Variants in U2SURP observed in about 807,000 individuals in gnomAD.
The protein encoded by U2SURP is U2 snRNP-associated SURP motif-containing protein.
A neutral mutation model predicts 144.9 loss-of-function variants in U2SURP; 9 were observed. That is an observed-to-expected ratio of 0.06 (90% CI 0.04 to 0.11). The LOEUF (loss-of-function observed/expected upper bound fraction) is 0.11. Among genes scored for constraint, U2SURP ranks in the 10% least tolerant of loss-of-function variants. The pLI, the probability that U2SURP is intolerant of heterozygous loss-of-function variation, is 1.00. For synonymous variants in U2SURP, 408 were observed against 396.8 expected (o/e 1.03, Z -0.33); for missense variants, 724 against 1,226.7 (o/e 0.59, Z 6.12).
intron 1 of U2SURP, among the ~76,000 whole-genome samples, chr3:143,010,084 A>G (rs1172457991): frequency 4.6e-5 from 7 of 152,224 alleles, no homozygotes; most frequent in Admixed American, 2.0e-4. Context: ...GATAGCATAC[A>G]TTATTTAGTT....
chr3:143,004,518 A>C (rs1055672732), intron 1 of U2SURP, among the ~76,000 whole-genome samples: 2 of 131,284 alleles, frequency 1.5e-5, no homozygotes, highest in African/African-American at 3.0e-5. Context: ...CGCCTGGCCA[A>C]TTTTTGTATT....
At chr3:143,034,364 A>AT (rs1450791794) in intron 18 of U2SURP, among the ~76,000 whole-genome samples, 1 of 151,940 alleles carries the variant, frequency 6.6e-6, no homozygotes, top group Non-Finnish European at 1.5e-5. Context: ...AGATGGCACC[A>AT]TTGTCCTCTA....
At position 143,021,571 on chromosome 3, in the gene U2SURP, A is replaced by G. The variant is rs1469630562; in HGVS notation, c.852+16A>G. 5.6e-6 allele frequency: 9 copies of G among 1,598,816 alleles called. 1 individual carries two copies. The African/African-American group carries it at 9.4e-5, about 17-fold the overall frequency. ...TAATCCACAGGTAATATTAAGTAAG[A>G]TGAATGTTGATTGATATGCTTTATG... On this transcript the variant is annotated intron_variant, in intron 10 of 27. Transcript: ENST00000473835.
At chr3:143,035,170 GTTTAAT>G (rs1310969795) in intron 19 of U2SURP, among the ~76,000 whole-genome samples, 195 bp downstream of exon 19, 2 of 151,998 alleles carry the variant, frequency 1.3e-5, no homozygotes, top group African/African-American at 4.8e-5. Context: ...ATTTTGTCAG[GTTTAAT>G]TTTAGTTTTA....
intron 7 of U2SURP, 129 bp downstream of exon 7, chr3:143,020,165 T>C (rs2108281787): frequency 3.6e-6 from 2 of 562,220 alleles, no homozygotes; most frequent in East Asian, 6.5e-5. Context: ...TTGTTTTAGA[T>C]ATTATAATAT....
chr3:143,022,132 A>G (rs1936668191), intron 10 of U2SURP, among the ~76,000 whole-genome samples: 1 of 152,210 alleles, frequency 6.6e-6, no homozygotes, highest in African/African-American at 2.4e-5. Flanking sequence ...TTTAATTTAA[A>G]TGTACTAACC....
In U2SURP at chr3:143,059,717, G is replaced by GT. The variant is rs566480161; in HGVS notation, c.*3274dup. ...TAAGACTGTACAGTTTACAAATAAG[G>GT]TTTTTTTCTTTGTTGTTTTCCTCTT... is the stretch of plus-strand genomic sequence containing the variant. On this transcript the variant is annotated 3_prime_UTR_variant, in exon 28 of 28. Coordinates refer to ENST00000473835, the MANE Select transcript of U2SURP (RefSeq NM_001080415.2). 2 of 151,656 alleles carry GT rather than the reference G, an allele frequency of 1.3e-5. No homozygotes were observed. The highest frequency in any genetic ancestry group is 3.0e-5 in the Non-Finnish European group (2 of 67,750). 9.4% of individuals were successfully genotyped at this position (151,656 alleles called of 1,614,324 possible). A position where few individuals can be genotyped will look rare whatever the true frequency, so the allele number is the denominator to read the frequency against.
chr3:143,045,397 C>T (rs1228194153), intron 24 of U2SURP, among the ~76,000 whole-genome samples: 2 of 150,580 alleles, frequency 1.3e-5, no homozygotes, highest in African/African-American at 2.4e-5. Flanking sequence ...AAAGAGCACT[C>T]CCTTTCTGAC....
intron 3 of U2SURP, among the ~76,000 whole-genome samples, chr3:143,014,094 C>T (rs1053752245): frequency 1.5e-4 from 22 of 149,884 alleles, no homozygotes; most frequent in African/African-American, 5.1e-4. Context: ...TGTTTTTGAC[C>T]TTGAGCTAGT....
chr3:143,055,355 A>G (rs1935095150), intron 27 of U2SURP, among the ~76,000 whole-genome samples: 1 of 152,086 alleles, frequency 6.6e-6, no homozygotes, highest in South Asian at 2.1e-4. Context: ...TAAACATCAT[A>G]TCCAATGTTT....
chr3:143,033,030 G>T lies in U2SURP; in HGVS notation c.1773+84G>T, dbSNP rs530546945. The T allele has an allele frequency of 8.3e-6, 12 of 1,440,782 alleles. No individual in the cohort carries two copies. In the South Asian group the frequency reaches 1.5e-4, roughly 18 times the overall value. The allele number at this position is 1,440,782 out of a possible 1,614,324, so 89.2% of individuals were successfully genotyped here. The stretch of plus-strand genomic sequence containing the variant: ...GGTTTCCTTTTTGCACAAAGCACTT[G>T]ACTGATGAGATTTTTCCCATGCAGT... On this transcript the variant is annotated intron_variant, in intron 17 of 27. Coordinates refer to ENST00000473835, the MANE Select transcript of U2SURP (RefSeq NM_001080415.2).
chr3:143,028,230 G>A, intron 14 of U2SURP, 110 bp from the exon 15 acceptor site: 1 of 1,275,794 alleles, frequency 7.8e-7, no homozygotes, highest in East Asian at 2.5e-5. Flanking sequence ...CTTTGTTTTT[G>A]TTTTATTTAG....
rs370458581 is a variant in U2SURP at position 143,037,161 on chromosome 3, T to G, written c.2065-18T>G. The G allele has an allele frequency of 3.9e-4, 625 of 1,605,632 alleles. 4 individuals are homozygous for G. The African/African-American group carries it at 7.6e-3, about 19-fold the overall frequency. ...CAGCAAGCAAAGGAAAATGTTATAA[T>G]AGTACACATTTCCATAGGATGTTCC... On this transcript the variant is annotated intron_variant, in intron 20 of 27. Transcript: ENST00000473835.
At chr3:143,011,359 A>AT (rs1386598970) in intron 2 of U2SURP, among the ~76,000 whole-genome samples, 4 of 152,156 alleles carry the variant, frequency 2.6e-5, no homozygotes, top group African/African-American at 9.7e-5. Flanking sequence ...TACAATAAGT[A>AT]TTTTTTTAAT....
intron 16 of U2SURP, among the ~76,000 whole-genome samples, chr3:143,031,462 C>CCACCACCCTAACCTTCAGCTAG (rs1933489947): frequency 6.8e-6 from 1 of 146,062 alleles, no homozygotes; most frequent in African/African-American, 2.5e-5. Flanking sequence ...CCTTCAGCTA[C>CCACCACCCTAACCTTCAGCTAG]CACCACCCTG....
chr3:143,018,264 T>C (rs979981538), intron 6 of U2SURP, among the ~76,000 whole-genome samples: 3 of 152,192 alleles, frequency 2.0e-5, no homozygotes, highest in African/African-American at 7.2e-5. Flanking sequence ...TTGATTTGTC[T>C]ATTCTGGACA....
Position 143,016,835 on chromosome 3 carries a change from A to G in U2SURP, c.437-7A>G. 1 of 1,518,394 alleles carries G rather than the reference A, an allele frequency of 6.6e-7. No homozygotes were observed. The highest frequency in any genetic ancestry group is 8.8e-7 in the Non-Finnish European group (1 of 1,140,002). The allele number at this position is 1,518,394 out of a possible 1,614,324, so 94.1% of individuals were successfully genotyped here. The stretch of plus-strand genomic sequence containing the variant: ...TTAGTTTTGAAACTTAGTATTTTAA[A>G]TTTCAGAAGAACATGAAACAGATGA... On this transcript the variant is annotated splice_region_variant and splice_polypyrimidine_tract_variant and intron_variant, in intron 5 of 27. Coordinates refer to ENST00000473835, the MANE Select transcript of U2SURP (RefSeq NM_001080415.2).
chr3:143,051,462 G>A (rs572409513), intron 25 of U2SURP, among the ~76,000 whole-genome samples: 6 of 152,176 alleles, frequency 3.9e-5, no homozygotes, highest in Admixed American at 2.0e-4. Context: ...TCCAGGGAGG[G>A]ACAGCAAGTG....
chr3:143,012,274 A>G lies in U2SURP; in HGVS notation c.143A>G (p.Lys48Arg), dbSNP rs141570501. The G allele has an allele frequency of 6.2e-7, 1 of 1,613,518 alleles. No homozygotes were observed. The highest frequency in any genetic ancestry group is 1.3e-5 in the African/African-American group (1 of 75,028). The change falls in exon 3 of 28, where the codon AAG becomes AGG. Residue 48 changes from lysine to arginine, a missense_variant. Lys to Arg is a conservative substitution (Grantham distance 26, BLOSUM62 2). Around this residue, in one of 13 missense-constraint regions of U2SURP, gnomAD observed 127 missense variants for 98.2 expected, o/e 1.29. Coordinates refer to ENST00000473835, the MANE Select transcript of U2SURP (RefSeq NM_001080415.2). ...GATATGCCAAGTCGGACACGACCTA[A>G]GAGCCCAAGAAAACATAATTATAGG... ...DSDMPSRTRPKSPRKHNYRNE... is the reference protein window; with the variant it reads ...DSDMPSRTRPRSPRKHNYRNE...
Sources: allele counts gnomAD v4.1 joint callset (sites outside exome capture counted in the v4.1 genomes callset), GRCh38; gene constraint gnomAD v4.1.1; regional missense constraint gnomAD v4.1.1; transcripts MANE v1.5; gene names NCBI Gene and HGNC (gene_info 2026-07-23, HGNC 2026-07-21).